SPATS2L: variants seen among roughly 807,000 people sequenced by gnomAD.
SPATS2L encodes the protein SPATS2-like protein.
Under a neutral mutation model 59.6 loss-of-function variants are expected in SPATS2L, and 30 were observed. That is an observed-to-expected ratio of 0.50 (90% CI 0.38 to 0.68). SPATS2L has a LOEUF of 0.68. Among genes scored for constraint, SPATS2L ranks in the 30% least tolerant of loss-of-function variants. The pLI, the probability that SPATS2L is intolerant of heterozygous loss-of-function variation, is 0.00. For missense variants in SPATS2L, 615 were observed against 700.0 expected (o/e 0.88, Z 1.37); for synonymous variants, 252 against 263.5 (o/e 0.96, Z 0.42).
chr2:200,337,753 A>G (rs1419107485), intron 2 of SPATS2L, among the ~76,000 whole-genome samples: 1 of 152,186 alleles, frequency 6.6e-6, no homozygotes, highest in Non-Finnish European at 1.5e-5. Context: ...TTGATGCACA[A>G]GCTGATGGCC....
chr2:200,368,358 A>G (rs2081326019), intron 2 of SPATS2L, among the ~76,000 whole-genome samples: 3 of 152,204 alleles, frequency 2.0e-5, no homozygotes, highest in Admixed American at 2.0e-4. Context: ...AAAATGACAC[A>G]GAGGTAGTAA....
At chr2:200,435,026 GA>G (rs1559129578) in intron 6 of SPATS2L, among the ~76,000 whole-genome samples, 2 of 152,090 alleles carry the variant, frequency 1.3e-5, no homozygotes, top group Non-Finnish European at 2.9e-5. Context: ...ATGTTTATCA[GA>G]GGTACCAAGA....
intron 9 of SPATS2L, among the ~76,000 whole-genome samples, chr2:200,461,825 C>T (rs2086258909): frequency 6.6e-6 from 1 of 152,122 alleles, no homozygotes; most frequent in Non-Finnish European, 1.5e-5. Flanking sequence ...AAATAGCTAT[C>T]GTTATTTTTG....
intron 2 of SPATS2L, among the ~76,000 whole-genome samples, chr2:200,363,146 T>TA (rs571587341): frequency 8.3e-4 from 126 of 152,268 alleles, no homozygotes; most frequent in Non-Finnish European, 8.8e-4. Flanking sequence ...TTGATGCCTA[T>TA]AATGATAAAA....
intron 1 of SPATS2L, among the ~76,000 whole-genome samples, chr2:200,308,098 G>T (rs1046544471): frequency 6.6e-6 from 1 of 152,006 alleles, no homozygotes; most frequent in African/African-American, 2.4e-5. Context: ...TAGTAAGGTC[G>T]TGTAACCTTT....
chr2:200,432,929 T>A (rs2084035080), intron 6 of SPATS2L, among the ~76,000 whole-genome samples: 1 of 152,076 alleles, frequency 6.6e-6, no homozygotes. Context: ...AGCCAGAGCC[T>A]CAGTGACTTA....
intron 1 of SPATS2L, among the ~76,000 whole-genome samples, chr2:200,315,680 A>G (rs1397279545): frequency 6.6e-6 from 1 of 152,148 alleles, no homozygotes; most frequent in African/African-American, 2.4e-5. Context: ...AGGGCTCTAC[A>G]GAAGTTAGTT....
intron 2 of SPATS2L, among the ~76,000 whole-genome samples, chr2:200,377,229 CA>C (rs1251327506): frequency 1.3e-5 from 2 of 152,102 alleles, no homozygotes; most frequent in African/African-American, 4.8e-5. Flanking sequence ...GCCCAAATCC[CA>C]AAACTAGTAA....
chr2:200,413,351 C>T (rs766124209), intron 4 of SPATS2L, among the ~76,000 whole-genome samples: 1 of 152,088 alleles, frequency 6.6e-6, no homozygotes, highest in Non-Finnish European at 1.5e-5. Context: ...TTAGGTAGTC[C>T]ATTGCCAGAG....
intron 1 of SPATS2L, among the ~76,000 whole-genome samples, chr2:200,325,541 G>T (rs1346149936): frequency 6.6e-6 from 1 of 152,072 alleles, no homozygotes; most frequent in East Asian, 1.9e-4. Flanking sequence ...ACCACGCCTG[G>T]CTAATTTTTG....
At chr2:200,346,104 T>G (rs2080503188) in intron 2 of SPATS2L, among the ~76,000 whole-genome samples, 1 of 152,210 alleles carries the variant, frequency 6.6e-6, no homozygotes, top group African/African-American at 2.4e-5. Flanking sequence ...TTGGCAGATG[T>G]CATAGTATTA....
At chr2:200,440,562 G>T in intron 7 of SPATS2L, 87 bp from the exon 8 acceptor site, 1 of 1,300,088 alleles carries the variant, frequency 7.7e-7, no homozygotes. Flanking sequence ...CCTTTTTCTG[G>T]TGGGCTAATT....
intron 1 of SPATS2L, among the ~76,000 whole-genome samples, chr2:200,322,991 A>G (rs1407778069): frequency 6.6e-6 from 1 of 152,080 alleles, no homozygotes; most frequent in Non-Finnish European, 1.5e-5. Flanking sequence ...CCCTCCAGTC[A>G]TTTTAGTTTT....
At chr2:200,459,628 A>G in intron 8 of SPATS2L, 141 bp from the exon 9 acceptor site, 11 of 676,196 alleles carry the variant, frequency 1.6e-5, no homozygotes, top group Non-Finnish European at 2.6e-5. Context: ...GGCAGAGTGT[A>G]CTGCTGGCAT....
intron 2 of SPATS2L, among the ~76,000 whole-genome samples, chr2:200,349,292 G>A (rs2080631066): frequency 6.6e-6 from 1 of 152,138 alleles, no homozygotes; most frequent in Admixed American, 6.5e-5. Context: ...TTACAAATGA[G>A]GAAACCGAGA....
At chr2:200,386,783 A>G (rs545513718) in intron 2 of SPATS2L, among the ~76,000 whole-genome samples, 69 of 152,276 alleles carry the variant, frequency 4.5e-4, no homozygotes, top group Admixed American at 1.0e-3. Flanking sequence ...AGCTGTCACC[A>G]TTCAGTTCTT....
At chr2:200,379,871 G>T (rs532440352) in intron 2 of SPATS2L, among the ~76,000 whole-genome samples, 5 of 152,002 alleles carry the variant, frequency 3.3e-5, no homozygotes, top group African/African-American at 1.2e-4. Context: ...TTACATCATC[G>T]CATCTTGAAA....
In SPATS2L at chr2:200,478,271, G is replaced by A. The variant is rs1574780244; in HGVS notation, c.*240G>A. On this transcript the variant is annotated 3_prime_UTR_variant, in exon 13 of 13. Coordinates refer to ENST00000409140, the MANE Select transcript of SPATS2L (RefSeq NM_001100423.2). ...GACTTTGCAGCATTTTAGCCAGGCA[G>A]TATTTACTCATTATTAGGAAAATCA... 1 of 363,346 alleles carries A rather than the reference G, an allele frequency of 2.8e-6. No homozygotes were observed. Among genetic ancestry groups the A allele is most frequent in the African/African-American group, 2.1e-5 (1 of 47,662 alleles). 22.5% of individuals were successfully genotyped at this position (363,346 alleles called of 1,614,324 possible). A position where few individuals can be genotyped will look rare whatever the true frequency, so the allele number is the denominator to read the frequency against.
intron 9 of SPATS2L, among the ~76,000 whole-genome samples, chr2:200,466,068 A>T (rs2086580777): frequency 6.6e-6 from 1 of 152,228 alleles, no homozygotes; most frequent in Admixed American, 6.5e-5. Context: ...GTCTGTCTAA[A>T]GAATGGTTTA....
Sources: gnomAD v4.1 joint callset for allele counts (sites outside exome capture counted in the v4.1 genomes callset) on GRCh38, gnomAD v4.1.1 for gene constraint, MANE v1.5 for transcripts, NCBI Gene and HGNC (gene_info 2026-07-23, HGNC 2026-07-21) for gene names.